SDK1: variants seen among roughly 807,000 people sequenced by gnomAD.
SDK1 encodes the protein sidekick cell adhesion molecule 1.
A neutral mutation model predicts 245.5 loss-of-function variants in SDK1; 157 were observed. That is an observed-to-expected ratio of 0.64 (90% CI 0.56 to 0.73). The LOEUF (loss-of-function observed/expected upper bound fraction) is 0.73, where lower values mean the gene tolerates loss of function less well. Among genes scored for constraint, SDK1 ranks in the 30% least tolerant of loss-of-function variants. SDK1 has a pLI of 0.00. For missense variants in SDK1, 3,583 were observed against 3,002.3 expected, an observed-to-expected ratio of 1.19 and a Z score of -4.52; for synonymous variants, 1,647 against 1,278.5, an observed-to-expected ratio of 1.29 and a Z score of -6.15.
At chr7:4,073,612 G>C (rs1300098530) in intron 20 of SDK1, among the ~76,000 whole-genome samples, 1 of 152,180 alleles carries the variant, frequency 6.6e-6, no homozygotes. Flanking sequence ...AACAAAGTCT[G>C]CTCTTCCCAT....
At chr7:3,498,570 A>T (rs954717729) in intron 1 of SDK1, among the ~76,000 whole-genome samples, 1 of 152,148 alleles carries the variant, frequency 6.6e-6, no homozygotes, top group Non-Finnish European at 1.5e-5. Context: ...AGTAGCTACC[A>T]TTGATAGCTA....
intron 10 of SDK1, among the ~76,000 whole-genome samples, 189 bp downstream of exon 10, chr7:3,967,623 T>A (rs1168027071): frequency 6.6e-6 from 1 of 152,222 alleles, no homozygotes; most frequent in Non-Finnish European, 1.5e-5. Context: ...AGAGAATTTC[T>A]CCATGGTCTC....
At chr7:3,942,592 T>TA (rs11394376) in intron 5 of SDK1, among the ~76,000 whole-genome samples, 56,339 of 151,972 alleles carry the variant, frequency 0.37, 11,160 homozygotes, top group African/African-American at 0.51. Flanking sequence ...GTGTGTGTTT[T>TA]AAAAAAATGT....
chr7:4,058,316 C>T (rs935847608), intron 19 of SDK1, among the ~76,000 whole-genome samples: 4 of 151,862 alleles, frequency 2.6e-5, no homozygotes, highest in African/African-American at 9.7e-5. Context: ...GAAGGAATTT[C>T]AGAATTTAAA....
At chr7:3,445,625 A>G (rs1437629356) in intron 1 of SDK1, among the ~76,000 whole-genome samples, 1 of 152,196 alleles carries the variant, frequency 6.6e-6, no homozygotes, top group Non-Finnish European at 1.5e-5. Context: ...TCAAAATCAG[A>G]AAACTGACAT....
At chr7:3,675,001 A>G (rs1783846738) in intron 4 of SDK1, among the ~76,000 whole-genome samples, 1 of 152,168 alleles carries the variant, frequency 6.6e-6, no homozygotes, top group African/African-American at 2.4e-5. Flanking sequence ...TGTGGGCCAT[A>G]TAAAAACAAG....
chr7:3,454,388 T>G (rs1044763200), intron 1 of SDK1, among the ~76,000 whole-genome samples: 12 of 141,686 alleles, frequency 8.5e-5, no homozygotes, highest in African/African-American at 3.2e-4. Context: ...TCCCCAAGAT[T>G]TGTGTGTGTG....
At chr7:3,988,894 C>T (rs1172859532) in intron 14 of SDK1, among the ~76,000 whole-genome samples, 3 of 152,144 alleles carry the variant, frequency 2.0e-5, no homozygotes, top group African/African-American at 7.2e-5. Flanking sequence ...GCCTCAGCCT[C>T]CCGAGTAGCT....
At chr7:3,385,932 T>C (rs1284597936) in intron 1 of SDK1, among the ~76,000 whole-genome samples, 1 of 152,198 alleles carries the variant, frequency 6.6e-6, no homozygotes, top group Non-Finnish European at 1.5e-5. Context: ...TAAAATTCTC[T>C]AGTAGAATCA....
chr7:4,142,477 C>T (rs1018779299), intron 28 of SDK1, among the ~76,000 whole-genome samples: 7 of 152,028 alleles, frequency 4.6e-5, no homozygotes, highest in Admixed American at 3.3e-4. Context: ...TACAAGCGCC[C>T]GCCATCACGC....
Position 3,967,453 on chromosome 7 carries a change from C to T in SDK1, c.1546+19C>T, listed in dbSNP as rs1386091354. 2.1e-6 allele frequency: 3 copies of T among 1,452,628 alleles called. No individual in the cohort carries two copies. In the African/African-American group the frequency reaches 4.2e-5, roughly 20 times the overall value. 90.0% of individuals were successfully genotyped at this position (1,452,628 alleles called of 1,614,324 possible). A position where few individuals can be genotyped will look rare whatever the true frequency, so the allele number is the denominator to read the frequency against. ...AAAAGAGGTGGGTAGCATCCACTGCCCACAACAGCATGGCCCATGTAGAAC... is the reference window on the plus strand; with the variant it reads ...AAAAGAGGTGGGTAGCATCCACTGCTCACAACAGCATGGCCCATGTAGAAC... On this transcript the variant is annotated intron_variant, in intron 10 of 44. Transcript: ENST00000404826.
intron 1 of SDK1, among the ~76,000 whole-genome samples, chr7:3,479,854 T>G (rs1456783438): frequency 1.4e-5 from 2 of 145,594 alleles, no homozygotes; most frequent in East Asian, 4.0e-4. Flanking sequence ...AGAGCGAGAG[T>G]CCATCTCAAA....
chr7:3,533,688 T>C (rs1783423786), intron 1 of SDK1, among the ~76,000 whole-genome samples: 1 of 152,188 alleles, frequency 6.6e-6, no homozygotes, highest in African/African-American at 2.4e-5. Context: ...TTTATCTCTT[T>C]TAAGAACTCT....
intron 17 of SDK1, among the ~76,000 whole-genome samples, chr7:4,049,092 G>A (rs1789243936): frequency 6.6e-6 from 1 of 152,226 alleles, no homozygotes; most frequent in Admixed American, 6.5e-5. Context: ...AGGCCCATCT[G>A]TGGAATGAGA....
chr7:3,631,353 C>G (rs747263970), intron 2 of SDK1, among the ~76,000 whole-genome samples: 6 of 152,178 alleles, frequency 3.9e-5, no homozygotes, highest in Non-Finnish European at 7.3e-5. Flanking sequence ...CATCACCCAA[C>G]CTAATTGTGT....
At chr7:4,164,110 C>G (rs776323307) in intron 32 of SDK1, among the ~76,000 whole-genome samples, 2 of 152,158 alleles carry the variant, frequency 1.3e-5, no homozygotes, top group South Asian at 2.1e-4. Context: ...CCTGGTGGAA[C>G]TGGAAGAGCA....
intron 4 of SDK1, among the ~76,000 whole-genome samples, chr7:3,773,057 T>G (rs578078841): frequency 3.3e-5 from 5 of 152,224 alleles, no homozygotes; most frequent in Non-Finnish European, 7.3e-5. Flanking sequence ...ATTGTTAAAC[T>G]TCTTAGATGT....
At chr7:3,482,873 A>G (rs893168212) in intron 1 of SDK1, among the ~76,000 whole-genome samples, 1 of 152,234 alleles carries the variant, frequency 6.6e-6, no homozygotes, top group Non-Finnish European at 1.5e-5. Flanking sequence ...CTGTGTAATA[A>G]GCTTAGAAAA....
At chr7:3,352,625 A>G (rs1438297870) in intron 1 of SDK1, among the ~76,000 whole-genome samples, 1 of 152,206 alleles carries the variant, frequency 6.6e-6, no homozygotes, top group Non-Finnish European at 1.5e-5. Flanking sequence ...TCCATGTTGA[A>G]TAACAGAGCC....
Sources: allele counts gnomAD v4.1 joint callset (sites outside exome capture counted in the v4.1 genomes callset), GRCh38; gene constraint gnomAD v4.1.1; transcripts MANE v1.5; gene names NCBI Gene and HGNC (gene_info 2026-07-23, HGNC 2026-07-21).